The following HERC6 variants were observed in gnomAD, a reference collection of about 807,000 sequenced individuals.
HERC6 encodes the protein HECT and RLD domain containing E3 ubiquitin protein ligase family member 6.
In HERC6, 101 loss-of-function variants were observed where a neutral mutation model predicts 114.5. That is an observed-to-expected ratio of 0.88 (90% CI 0.75 to 1.04). The LOEUF (loss-of-function observed/expected upper bound fraction) is 1.04. Ranked by LOEUF, HERC6 falls within the 50% of genes least tolerant of loss-of-function variation. The probability of loss-of-function intolerance (pLI) is 0.00; values close to 1 mark genes in which losing one functional copy is unlikely to be tolerated. For synonymous variants in HERC6, 408 were observed against 436.2 expected, an observed-to-expected ratio of 0.94 and a Z score of 0.81; for missense variants, 1,133 against 1,230.9, an observed-to-expected ratio of 0.92 and a Z score of 1.19.
intron 17 of HERC6, among the ~76,000 whole-genome samples, chr4:88,432,578 A>C (rs1460256068): frequency 2.6e-5 from 4 of 151,662 alleles, no homozygotes; most frequent in Admixed American, 2.6e-4. Context: ...AAAATACAAA[A>C]ATTAGCCAGG....
chr4:88,396,829 T>C (rs1003787732), intron 6 of HERC6, 22 bp from the exon 7 acceptor site: 6 of 1,508,522 alleles, frequency 4.0e-6, no homozygotes, highest in Non-Finnish European at 5.4e-6. Flanking sequence ...GTCTTCATTA[T>C]GGTGTATTCT....
chr4:88,388,437 G>A (rs369278821), intron 3 of HERC6, among the ~76,000 whole-genome samples: 4 of 151,828 alleles, frequency 2.6e-5, no homozygotes, highest in South Asian at 2.1e-4. Context: ...TGCAATCCTA[G>A]CTACTTGGGA....
chr4:88,392,697 A>G (rs746761578), intron 4 of HERC6, among the ~76,000 whole-genome samples: 1 of 152,150 alleles, frequency 6.6e-6, no homozygotes, highest in Non-Finnish European at 1.5e-5. Flanking sequence ...CAAAACCACA[A>G]CCTTGCAGTT....
intron 8 of HERC6, among the ~76,000 whole-genome samples, chr4:88,400,865 C>T (rs1197131850): frequency 6.6e-6 from 1 of 151,816 alleles, no homozygotes; most frequent in Non-Finnish European, 1.5e-5. Context: ...AAAAAACAGT[C>T]AATATGGAGT....
In HERC6 at chr4:88,442,530, A is replaced by C; in HGVS notation, c.*70A>C. The stretch of plus-strand genomic sequence containing the variant: ...TTCTGTTCTTCCTTACACCTAAATA[A>C]TACAAGAGATTAATGAATAGTGGTT... On this transcript the variant is annotated 3_prime_UTR_variant, in exon 23 of 23. Coordinates refer to ENST00000264346, the MANE Select transcript of HERC6 (RefSeq NM_017912.4). The C allele has an allele frequency of 9.3e-7, 1 of 1,073,542 alleles. No homozygotes were observed. Among genetic ancestry groups the C allele is most frequent in the Non-Finnish European group, 1.4e-6 (1 of 712,596 alleles). 66.5% of individuals were successfully genotyped at this position (1,073,542 alleles called of 1,614,324 possible). A position where few individuals can be genotyped will look rare whatever the true frequency, so the allele number is the denominator to read the frequency against.
intron 15 of HERC6, among the ~76,000 whole-genome samples, chr4:88,428,108 A>T (rs1737814044): frequency 6.6e-6 from 1 of 152,208 alleles, no homozygotes; most frequent in Admixed American, 6.5e-5. Flanking sequence ...GAAAGAGAAG[A>T]GTGGATCTTC....
Position 88,385,594 on chromosome 4 carries a change from A to G in HERC6, c.436+19A>G. 7.4e-7 allele frequency: 1 copy of G among 1,359,784 alleles called. No homozygotes were observed. Among genetic ancestry groups the G allele is most frequent in the Non-Finnish European group, 1.0e-6 (1 of 1,002,112 alleles). 84.2% of individuals were successfully genotyped at this position (1,359,784 alleles called of 1,614,324 possible). A position where few individuals can be genotyped will look rare whatever the true frequency, so the allele number is the denominator to read the frequency against. ...TCAAAAGGTAAGAAACACTTTTTGG[A>G]TCTGAGTGTGAGTAGGAAGTAATTT... On this transcript the variant is annotated intron_variant, in intron 3 of 22. Coordinates refer to ENST00000264346, the MANE Select transcript of HERC6 (RefSeq NM_017912.4).
intron 13 of HERC6, 25 bp downstream of exon 13, chr4:88,417,604 AT>A (rs1736614207): frequency 6.3e-7 from 1 of 1,591,660 alleles, no homozygotes; most frequent in Admixed American, 1.8e-5. Context: ...AAAGGAATGC[AT>A]GTACTATTTT....
rs759013368 is a variant in HERC6 at position 88,396,984 on chromosome 4, G to A, written c.1021G>A (p.Glu341Lys). ...NFDISCLISA[E>K]DFVDVQVKHI... ...TGACATTAGCTGCCTGATTTCTGCT[G>A]AAGGTGTGAATCCCACTAATTCATG... The change falls in exon 7 of 23, where the codon GAA becomes AAA. Residue 341 changes from glutamate to lysine, a missense_variant. Physicochemically the swap from Glu to Lys is moderately conservative, Grantham distance 56 (BLOSUM62 1). Transcript: ENST00000264346. The A allele has an allele frequency of 6.2e-7, 1 of 1,610,520 alleles. No individual in the cohort carries two copies. The highest frequency in any genetic ancestry group is 1.1e-5 in the South Asian group (1 of 90,704).
intron 22 of HERC6, chr4:88,440,603 G>A (rs186032726): frequency 9.1e-5 from 16 of 175,414 alleles, no homozygotes; most frequent in Admixed American, 1.8e-4. Context: ...ATCCGCATAG[G>A]GCACGAATCT....
At chr4:88,398,013 C>A in intron 7 of HERC6, 129 bp from the exon 8 acceptor site, 1 of 561,252 alleles carries the variant, frequency 1.8e-6, no homozygotes, top group Non-Finnish European at 3.1e-6. Flanking sequence ...ATCTTTTATG[C>A]ATTTGTAGTC....
chr4:88,410,265 A>T lies in HERC6; in HGVS notation c.1368+1648A>T, dbSNP rs569848939. On this transcript the variant is annotated intron_variant, in intron 11 of 22. Transcript: ENST00000264346. ...CACTGGTTTGGTCTGGAAAGGCGGG[A>T]CAACTCAAAGCAGGGAGGGGCCTTC... Among the ~76,000 whole-genome samples, 9 of 152,272 alleles carry T rather than the reference A, an allele frequency of 5.9e-5. No homozygotes were observed. In the South Asian group the frequency reaches 1.9e-3, roughly 32 times the overall value.
chr4:88,434,146 C>T (rs1213267992), intron 17 of HERC6, among the ~76,000 whole-genome samples: 1 of 152,198 alleles, frequency 6.6e-6, no homozygotes, highest in African/African-American at 2.4e-5. Flanking sequence ...AGATTGCTGA[C>T]TTAATATGTA....
intron 6 of HERC6, among the ~76,000 whole-genome samples, chr4:88,396,544 T>A (rs1307389384): frequency 6.6e-6 from 1 of 152,202 alleles, no homozygotes; most frequent in Non-Finnish European, 1.5e-5. Flanking sequence ...TTTAAATATC[T>A]ACCCAATGCA....
At chr4:88,395,235 A>G (rs1164426922) in intron 5 of HERC6, among the ~76,000 whole-genome samples, 1 of 152,230 alleles carries the variant, frequency 6.6e-6, no homozygotes, top group African/African-American at 2.4e-5. Context: ...TAAATAGAAT[A>G]AATAGAAATA....
intron 15 of HERC6, among the ~76,000 whole-genome samples, chr4:88,427,481 C>T (rs891133261): frequency 8.5e-5 from 13 of 152,102 alleles, no homozygotes; most frequent in African/African-American, 2.4e-4. Flanking sequence ...GGTGATGACC[C>T]ACCACCAGAA....
At chr4:88,388,209 G>A (rs767173820) in intron 3 of HERC6, among the ~76,000 whole-genome samples, 1 of 151,988 alleles carries the variant, frequency 6.6e-6, no homozygotes, top group Non-Finnish European at 1.5e-5. Flanking sequence ...ATCACTTGAG[G>A]CCAGGAGTTC....
chr4:88,405,070 A>G, intron 9 of HERC6, 73 bp downstream of exon 9: 1 of 1,550,240 alleles, frequency 6.5e-7, no homozygotes, highest in Non-Finnish European at 8.7e-7. Context: ...CCTAAGATAG[A>G]GGTTTTGGTT....
Position 88,440,061 on chromosome 4 carries a change from G to A in HERC6, c.2739+4G>A, listed in dbSNP as rs773585887. 1.9e-6 allele frequency: 3 copies of A among 1,609,458 alleles called. No homozygotes were observed. The highest frequency in any genetic ancestry group is 2.5e-6 in the Non-Finnish European group (3 of 1,178,308). On this transcript the variant is annotated splice_donor_region_variant and intron_variant, in intron 21 of 22. Transcript: ENST00000264346. The stretch of plus-strand genomic sequence containing the variant: ...TGACTGGAAACAGTTTGAACAGGTA[G>A]GTGATACCTAAAGTGCCCCAATTTT...
Sources: allele counts gnomAD v4.1 joint callset (sites outside exome capture counted in the v4.1 genomes callset), GRCh38; gene constraint gnomAD v4.1.1; transcripts MANE v1.5; gene names NCBI Gene and HGNC (gene_info 2026-07-23, HGNC 2026-07-21).